The following KIF26B variants were observed in gnomAD, a reference collection of about 807,000 sequenced individuals.
The protein encoded by KIF26B is kinesin-like protein KIF26B.
Under a neutral mutation model 151.2 loss-of-function variants are expected in KIF26B, and 63 were observed. The observed-to-expected ratio is 0.42, with a 90% confidence interval of 0.34 to 0.51. KIF26B has a LOEUF of 0.51. Among genes scored for constraint, KIF26B ranks in the 20% least tolerant of loss-of-function variants. The probability of loss-of-function intolerance (pLI) is 0.07; values close to 1 mark genes in which losing one functional copy is unlikely to be tolerated. For synonymous variants in KIF26B, 1,357 were observed against 1,262.1 expected, an observed-to-expected ratio of 1.08 and a Z score of -1.59; for missense variants, 2,813 against 2,913.6, an observed-to-expected ratio of 0.97 and a Z score of 0.79.
At chr1:245,433,929 T>G (rs1042819389) in intron 4 of KIF26B, among the ~76,000 whole-genome samples, 3 of 151,904 alleles carry the variant, frequency 2.0e-5, no homozygotes, top group African/African-American at 7.3e-5. Context: ...AAAGAGAAAT[T>G]CTCTTGGGGG....
At chr1:245,348,952 A>T (rs1300597109) in intron 2 of KIF26B, among the ~76,000 whole-genome samples, 1 of 152,134 alleles carries the variant, frequency 6.6e-6, no homozygotes, top group African/African-American at 2.4e-5. Context: ...CATGCTGTGG[A>T]AAAGGGCCTC....
chr1:245,311,421 G>A (rs1259733403), intron 2 of KIF26B, among the ~76,000 whole-genome samples: 2 of 151,938 alleles, frequency 1.3e-5, no homozygotes, highest in Non-Finnish European at 1.5e-5. Flanking sequence ...AGTTAGACTC[G>A]CCTGCTCTTT....
intron 2 of KIF26B, among the ~76,000 whole-genome samples, chr1:245,364,767 T>C (rs1368599033): frequency 6.6e-6 from 1 of 152,122 alleles, no homozygotes; most frequent in Non-Finnish European, 1.5e-5. Flanking sequence ...ACCTCTTCCA[T>C]ATGATTGGGT....
Position 245,339,578 on chromosome 1 carries a change from G to C in KIF26B, c.466-27256G>C, listed in dbSNP as rs527965830. On this transcript the variant is annotated intron_variant, in intron 2 of 14. Transcript: ENST00000407071. ...AAAATAGGTACTAAAACGTGATTTGGATTTGGGATGTGGAAGTAAGTGCCA... is the reference window on the plus strand; with the variant it reads ...AAAATAGGTACTAAAACGTGATTTGCATTTGGGATGTGGAAGTAAGTGCCA... Among the ~76,000 whole-genome samples the C allele has an allele frequency of 4.6e-5, 7 of 152,300 alleles. No homozygotes were observed. In the East Asian group the frequency reaches 7.7e-4, roughly 17 times the overall value.
At chr1:245,528,053 G>A (rs1430175046) in intron 4 of KIF26B, among the ~76,000 whole-genome samples, 1 of 152,038 alleles carries the variant, frequency 6.6e-6, no homozygotes, top group African/African-American at 2.4e-5. Flanking sequence ...CGATAAGAAC[G>A]GATTGATGGT....
chr1:245,177,107 A>G (rs902700278), intron 2 of KIF26B, among the ~76,000 whole-genome samples: 1 of 152,162 alleles, frequency 6.6e-6, no homozygotes, highest in Non-Finnish European at 1.5e-5. Context: ...GGTGTGTGCC[A>G]TCATGCCTAG....
intron 7 of KIF26B, 26 bp downstream of exon 7, chr1:245,607,770 G>C (rs2043472536): frequency 6.4e-7 from 1 of 1,571,628 alleles, no homozygotes; most frequent in Non-Finnish European, 8.7e-7. Flanking sequence ...ACTTTCTCAT[G>C]CGGCTCGTTG....
chr1:245,538,969 T>G (rs1177659687), intron 4 of KIF26B, among the ~76,000 whole-genome samples: 2 of 152,090 alleles, frequency 1.3e-5, no homozygotes, highest in African/African-American at 4.8e-5. Context: ...CACCCTTGAT[T>G]TTAGAAGGAA....
At chr1:245,412,715 C>T (rs1284409146) in intron 3 of KIF26B, among the ~76,000 whole-genome samples, 1 of 152,146 alleles carries the variant, frequency 6.6e-6, no homozygotes, top group African/African-American at 2.4e-5. Context: ...GTACCAAGCT[C>T]CTCATACTGA....
chr1:245,350,053 T>TA (rs1558398301), intron 2 of KIF26B, among the ~76,000 whole-genome samples: 24 of 149,880 alleles, frequency 1.6e-4, no homozygotes, highest in African/African-American at 5.8e-4. Flanking sequence ...ATATATATAT[T>TA]TTTTTTTCAT....
chr1:245,161,951 T>C (rs12087468), intron 2 of KIF26B, among the ~76,000 whole-genome samples: 9,630 of 152,064 alleles, frequency 0.063, 948 homozygotes, highest in African/African-American at 0.21. Context: ...AGTTGAGGAA[T>C]TGTCTTGGCT....
intron 2 of KIF26B, among the ~76,000 whole-genome samples, chr1:245,238,803 A>G (rs1670160146): frequency 6.6e-6 from 1 of 152,198 alleles, no homozygotes; most frequent in South Asian, 2.1e-4. Flanking sequence ...CGGAGGTTGC[A>G]GTGAGCTGAG....
At chr1:245,508,892 TA>T (rs1660776130) in intron 4 of KIF26B, among the ~76,000 whole-genome samples, 1 of 152,212 alleles carries the variant, frequency 6.6e-6, no homozygotes. Context: ...ATTAGCTCCT[TA>T]AAACTTTTTC....
chr1:245,499,351 A>G (rs1248808409), intron 4 of KIF26B, among the ~76,000 whole-genome samples: 1 of 152,194 alleles, frequency 6.6e-6, no homozygotes, highest in East Asian at 1.9e-4. Context: ...AAGAGGTTGA[A>G]TAAATCAGCC....
At chr1:245,454,592 T>G (rs1045709176) in intron 4 of KIF26B, among the ~76,000 whole-genome samples, 1 of 152,180 alleles carries the variant, frequency 6.6e-6, no homozygotes, top group Non-Finnish European at 1.5e-5. Context: ...TACCTTCCAT[T>G]GGGAGCCTTC....
chr1:245,503,456 T>C (rs1660664167), intron 4 of KIF26B, among the ~76,000 whole-genome samples: 1 of 152,222 alleles, frequency 6.6e-6, no homozygotes, highest in Admixed American at 6.5e-5. Flanking sequence ...CTTTGTTCCA[T>C]ACAGATCTAA....
intron 2 of KIF26B, among the ~76,000 whole-genome samples, chr1:245,345,585 G>A (rs935996364): frequency 6.6e-6 from 1 of 151,978 alleles, no homozygotes; most frequent in Admixed American, 6.6e-5. Context: ...TGTGATCCCA[G>A]CGTGGGAGGT....
intron 2 of KIF26B, among the ~76,000 whole-genome samples, chr1:245,230,572 A>G (rs58585711): frequency 0.056 from 8,560 of 152,124 alleles, 493 homozygotes; most frequent in African/African-American, 0.15. Flanking sequence ...GAGAAACCCC[A>G]TCTCTACTAA....
chr1:245,573,198 A>G (rs1178161252), intron 5 of KIF26B, among the ~76,000 whole-genome samples: 1 of 152,202 alleles, frequency 6.6e-6, no homozygotes, highest in East Asian at 1.9e-4. Flanking sequence ...TTCACATTAC[A>G]GGCCCAAAGT....
Sources: gnomAD v4.1 joint callset for allele counts (sites outside exome capture counted in the v4.1 genomes callset) on GRCh38, gnomAD v4.1.1 for gene constraint, MANE v1.5 for transcripts, NCBI Gene and HGNC (gene_info 2026-07-23, HGNC 2026-07-21) for gene names.